PRKCE: variants seen among roughly 807,000 people sequenced by gnomAD.
PRKCE encodes protein kinase C epsilon, also known as protein kinase C epsilon type.
In PRKCE, 16 loss-of-function variants were observed where a neutral mutation model predicts 85.4. The observed-to-expected ratio is 0.19, with a 90% CI of 0.13 to 0.28. PRKCE has a LOEUF of 0.28. Ranked by LOEUF, PRKCE falls within the 10% of genes least tolerant of loss-of-function variation. PRKCE has a pLI of 1.00. For synonymous variants in PRKCE, 388 were observed against 371.5 expected, an observed-to-expected ratio of 1.04 and a Z score of -0.51; for missense variants, 573 against 975.2, an observed-to-expected ratio of 0.59 and a Z score of 5.49.
intron 10 of PRKCE, among the ~76,000 whole-genome samples, chr2:46,085,736 G>GTTTTTTTGTT (rs1669545488): frequency 3.8e-5 from 4 of 104,574 alleles, no homozygotes; most frequent in African/African-American, 1.3e-4. Context: ...TGCAAAATCC[G>GTTTTTTTGTT]TTTTTTTTTT....
At chr2:45,864,526 G>A (rs375347714) in intron 2 of PRKCE, among the ~76,000 whole-genome samples, 135 of 152,220 alleles carry the variant, frequency 8.9e-4, no homozygotes, top group African/African-American at 3.1e-3. Flanking sequence ...CCTTCTTAAT[G>A]TACTGAGAAT....
At chr2:46,175,969 T>A (rs1313579716) in intron 14 of PRKCE, among the ~76,000 whole-genome samples, 1 of 152,154 alleles carries the variant, frequency 6.6e-6, no homozygotes, top group African/African-American at 2.4e-5. Context: ...GAATCACTTA[T>A]GGAGCTTTAA....
At chr2:45,705,974 G>A (rs1001231629) in intron 1 of PRKCE, among the ~76,000 whole-genome samples, 2 of 152,204 alleles carry the variant, frequency 1.3e-5, no homozygotes, top group Non-Finnish European at 2.9e-5. Context: ...TCGGAGCTCT[G>A]TGTCTGGCTC....
At chr2:46,126,476 A>C (rs1220526594) in intron 11 of PRKCE, among the ~76,000 whole-genome samples, 1 of 152,150 alleles carries the variant, frequency 6.6e-6, no homozygotes, top group Non-Finnish European at 1.5e-5. Context: ...TTCTTCTTAC[A>C]GAAAGTGATG....
rs529615115 is a variant in PRKCE, at chr2:45,874,495, A to T, written c.412+31432A>T. On this transcript the variant is annotated intron_variant, in intron 2 of 14. Coordinates refer to ENST00000306156, the MANE Select transcript of PRKCE (RefSeq NM_005400.3). Reference sequence around the variant, plus strand: ...CCACATTTTGGCAGTGGCTCTCCCAACTTGGCAACTGGCTTAGAGGCAAGT... The same window carrying T: ...CCACATTTTGGCAGTGGCTCTCCCATCTTGGCAACTGGCTTAGAGGCAAGT... Among the ~76,000 whole-genome samples the T allele has an allele frequency of 2.4e-4, 37 of 152,350 alleles. 1 individual carries two copies. The South Asian group carries it at 7.2e-3, about 30-fold the overall frequency.
chr2:46,010,190 G>A (rs1705545776), intron 9 of PRKCE, among the ~76,000 whole-genome samples, 154 bp from the exon 10 acceptor site: 1 of 152,174 alleles, frequency 6.6e-6, no homozygotes, highest in African/African-American at 2.4e-5. Context: ...AGCCTCCCAA[G>A]TATCTTGGGT....
At chr2:46,127,120 G>A (rs1673939623) in intron 11 of PRKCE, among the ~76,000 whole-genome samples, 1 of 152,134 alleles carries the variant, frequency 6.6e-6, no homozygotes, top group South Asian at 2.1e-4. Flanking sequence ...TAGCTCTAGG[G>A]GAATTCTAGA....
chr2:46,170,727 TTGAA>T (rs1345871965), intron 14 of PRKCE, among the ~76,000 whole-genome samples: 2 of 152,206 alleles, frequency 1.3e-5, no homozygotes, highest in African/African-American at 4.8e-5. Context: ...GAAATTATTG[TTGAA>T]TGGTGAGAGA....
intron 11 of PRKCE, among the ~76,000 whole-genome samples, chr2:46,110,950 A>G (rs960981862): frequency 9.9e-5 from 15 of 152,160 alleles, no homozygotes; most frequent in African/African-American, 3.4e-4. Flanking sequence ...TCTTTGACCC[A>G]TGTGCTCTTT....
chr2:46,093,555 G>T (rs1294617215), intron 11 of PRKCE, among the ~76,000 whole-genome samples: 2 of 145,880 alleles, frequency 1.4e-5, no homozygotes, highest in South Asian at 2.2e-4. Context: ...TTGAGATAGG[G>T]TCTTGCTCTG....
chr2:45,775,712 C>T (rs568813543), intron 1 of PRKCE, among the ~76,000 whole-genome samples: 2 of 152,332 alleles, frequency 1.3e-5, no homozygotes, highest in African/African-American at 2.4e-5. Flanking sequence ...CCTTGAGCTT[C>T]CTGCTGCCTC....
intron 14 of PRKCE, among the ~76,000 whole-genome samples, chr2:46,162,477 T>C (rs756635094): frequency 3.3e-5 from 5 of 152,134 alleles, no homozygotes; most frequent in Non-Finnish European, 5.9e-5. Context: ...TGATCTCCTG[T>C]GCATGTTCCC....
At chr2:45,857,579 GTTTA>G (rs1692779078) in intron 2 of PRKCE, among the ~76,000 whole-genome samples, 1 of 152,030 alleles carries the variant, frequency 6.6e-6, no homozygotes, top group Non-Finnish European at 1.5e-5. Context: ...TGATTGGTTT[GTTTA>G]TTTATTTATT....
At chr2:45,892,610 A>G (rs1695815812) in intron 2 of PRKCE, among the ~76,000 whole-genome samples, 3 of 152,066 alleles carry the variant, frequency 2.0e-5, no homozygotes, top group South Asian at 2.1e-4. Context: ...CCTTGGTTGT[A>G]TGCTTCCCAG....
At chr2:46,031,789 C>CAT (rs1186752312) in intron 10 of PRKCE, among the ~76,000 whole-genome samples, 1 of 152,130 alleles carries the variant, frequency 6.6e-6, no homozygotes, top group Non-Finnish European at 1.5e-5. Context: ...GTTGCTAGTC[C>CAT]ATCATGCTCC....
intron 2 of PRKCE, among the ~76,000 whole-genome samples, chr2:45,969,548 A>G (rs1319913821): frequency 6.6e-6 from 1 of 152,154 alleles, no homozygotes; most frequent in Non-Finnish European, 1.5e-5. Context: ...TACTCAGTCC[A>G]GAAGCACAGG....
chr2:46,141,951 G>A (rs1050888464), intron 11 of PRKCE, among the ~76,000 whole-genome samples: 2 of 152,160 alleles, frequency 1.3e-5, no homozygotes, highest in Non-Finnish European at 2.9e-5. Context: ...GCAAGGCTGG[G>A]AAACCATTAT....
chr2:46,086,385 T>TTCAGG, intron 11 of PRKCE, 23 bp downstream of exon 11: 1 of 1,588,362 alleles, frequency 6.3e-7, no homozygotes, highest in Non-Finnish European at 8.5e-7. Flanking sequence ...CTCCTCCTCT[T>TTCAGG]TCCTGAAAGT....
intron 1 of PRKCE, among the ~76,000 whole-genome samples, chr2:45,707,266 A>G (rs1040221368): frequency 2.0e-5 from 3 of 152,188 alleles, no homozygotes; most frequent in Admixed American, 1.3e-4. Flanking sequence ...CATCTGTTAA[A>G]TGTGGAGGCT....
Sources: allele counts gnomAD v4.1 joint callset (sites outside exome capture counted in the v4.1 genomes callset), GRCh38; gene constraint gnomAD v4.1.1; transcripts MANE v1.5; gene names NCBI Gene and HGNC (gene_info 2026-07-23, HGNC 2026-07-21).